Variants in FZD3 observed in about 807,000 individuals in gnomAD.
The protein encoded by FZD3 is frizzled class receptor 3, also known as frizzled-3.
In FZD3, 30 loss-of-function variants were observed where a neutral mutation model predicts 60.7. The ratio of observed to expected loss-of-function variants is 0.49; its 90% CI spans 0.37 to 0.67. The LOEUF is 0.67. FZD3 is among the 30% of genes least tolerant of loss of function. The pLI is 0.00. For missense variants in FZD3, 605 were observed against 838.7 expected (o/e 0.72, Z 3.44); for synonymous variants, 246 against 275.2 (o/e 0.89, Z 1.05).
intron 1 of FZD3, among the ~76,000 whole-genome samples, chr8:28,498,871 G>A (rs988099832): frequency 9.2e-5 from 14 of 152,190 alleles, no homozygotes; most frequent in African/African-American, 2.9e-4. Flanking sequence ...AGCCAGGAAT[G>A]TTTATCAAAA....
chr8:28,508,198 T>C (rs1317195062), intron 3 of FZD3, among the ~76,000 whole-genome samples: 1 of 152,138 alleles, frequency 6.6e-6, no homozygotes, highest in Non-Finnish European at 1.5e-5. Context: ...CCTGGCCCTC[T>C]TTAGTGTTTT....
At chr8:28,516,129 C>T (rs1405920740) in intron 3 of FZD3, among the ~76,000 whole-genome samples, 1 of 152,102 alleles carries the variant, frequency 6.6e-6, no homozygotes. Context: ...TATGGATTTT[C>T]TCTTGTTCAG....
intron 4 of FZD3, among the ~76,000 whole-genome samples, chr8:28,525,432 TTGAA>T (rs1436249482): frequency 1.3e-5 from 2 of 152,146 alleles, no homozygotes; most frequent in Non-Finnish European, 2.9e-5. Context: ...GACCAGGGAC[TTGAA>T]TGAAGTGAGA....
chr8:28,501,706 G>A (rs1005108700), intron 2 of FZD3, among the ~76,000 whole-genome samples: 1 of 152,064 alleles, frequency 6.6e-6, no homozygotes. Flanking sequence ...TTTTGCCCCT[G>A]GAAAAGTACA....
intron 3 of FZD3, among the ~76,000 whole-genome samples, chr8:28,504,832 G>A (rs144463068): frequency 1.2e-3 from 180 of 152,258 alleles, no homozygotes; most frequent in African/African-American, 3.8e-3. Flanking sequence ...GGTTCATGGG[G>A]CATTCATTCA....
Position 28,549,974 on chromosome 8 carries a change from CATAA to C in FZD3, c.1405-1620_1405-1617del, listed in dbSNP as rs1805374017. On this transcript the variant is annotated intron_variant, in intron 5 of 7. Transcript: ENST00000240093. ...TTTGCATACAGATTCCTAAATGAGA[CATAA>C]ATAAATAAGTTTCTTTATGGAGGCT... is the stretch of plus-strand genomic sequence containing the variant. Among the ~76,000 whole-genome samples, 20 of 152,216 alleles carry C rather than the reference CATAA, an allele frequency of 1.3e-4. No homozygotes were observed. The South Asian group carries it at 3.9e-3, about 30-fold the overall frequency.
In FZD3 at chr8:28,555,869, C is replaced by A; in HGVS notation, c.1685C>A (p.Ser562Ter). The change falls in exon 7 of 8, where the codon TCA (serine) becomes TAA (stop). Residue 562 changes from serine (S) to a stop codon, truncating the protein, a stop_gained. Coordinates refer to ENST00000240093, the MANE Select transcript of FZD3 (RefSeq NM_017412.4). LOFTEE classifies it high-confidence loss of function. ...CAAGGAACATCCACCCATGCTTCTT[C>A]AACTCAGCTGGCTATGGTGGATGAT... ...STQGTSTHAS[S>*]TQLAMVDDQR... is the part of the protein sequence containing the mutation. The A allele has an allele frequency of 6.2e-7, 1 of 1,613,782 alleles. No individual in the cohort carries two copies. The highest frequency in any genetic ancestry group is 8.5e-7 in the Non-Finnish European group (1 of 1,179,688).
At chr8:28,516,530 C>G (rs947703901) in intron 3 of FZD3, among the ~76,000 whole-genome samples, 2 of 152,048 alleles carry the variant, frequency 1.3e-5, no homozygotes, top group Non-Finnish European at 2.9e-5. Flanking sequence ...AAACCATGAA[C>G]ACAGGATGTC....
intron 3 of FZD3, among the ~76,000 whole-genome samples, chr8:28,505,398 C>G (rs1804110427): frequency 6.6e-6 from 1 of 152,068 alleles, no homozygotes; most frequent in South Asian, 2.1e-4. Flanking sequence ...GTGGCCCACA[C>G]TGGAGTGCTG....
At position 28,528,060 on chromosome 8, in the gene FZD3, G is replaced by C; in HGVS notation, c.1300G>C (p.Val434Leu). The C allele has an allele frequency of 6.2e-7, 1 of 1,613,914 alleles. No individual in the cohort carries two copies. The highest frequency in any genetic ancestry group is 8.5e-7 in the Non-Finnish European group (1 of 1,179,860). The change falls in exon 5 of 8, where the codon GTT becomes CTT. Residue 434 changes from valine (V) to leucine (L), a missense_variant. Physicochemically the swap from Val to Leu is conservative, Grantham distance 32. Transcript: ENST00000240093. ...CATTCTTTATCTCGTACCACTCTTG[G>C]TTGTAATTGGATGCTACTTTTATGA... ...FSILYLVPLL[V>L]VIGCYFYEQA...
intron 4 of FZD3, among the ~76,000 whole-genome samples, chr8:28,524,903 G>T (rs352210): frequency 0.62 from 94,400 of 152,038 alleles, 29,677 homozygotes; most frequent in African/African-American, 0.7. Context: ...TTGGCTCACT[G>T]TTTTATTCCC....
chr8:28,499,862 T>G (rs1247897708), intron 1 of FZD3, 71 bp from the exon 2 acceptor site: 2 of 152,240 alleles, frequency 1.3e-5, no homozygotes, highest in Non-Finnish European at 2.9e-5. Flanking sequence ...TCTGCTTTTA[T>G]TTTTAAAATT....
chr8:28,559,981 T>C (rs1805585466), intron 7 of FZD3, among the ~76,000 whole-genome samples: 1 of 152,140 alleles, frequency 6.6e-6, no homozygotes, highest in South Asian at 2.1e-4. Context: ...AATAAGTAAT[T>C]GGTGGTTAGA....
At chr8:28,546,994 T>A (rs1199129553) in intron 5 of FZD3, among the ~76,000 whole-genome samples, 4 of 151,958 alleles carry the variant, frequency 2.6e-5, no homozygotes, top group Non-Finnish European at 5.9e-5. Flanking sequence ...AAGTTTTTAA[T>A]GGTTCGAAAC....
At chr8:28,553,606 C>T (rs781202612) in intron 6 of FZD3, among the ~76,000 whole-genome samples, 1 of 152,070 alleles carries the variant, frequency 6.6e-6, no homozygotes, top group Non-Finnish European at 1.5e-5. Flanking sequence ...CTGGTTGGGC[C>T]GAAATCCTTT....
At chr8:28,534,558 A>AAATC (rs150398117) in intron 5 of FZD3, among the ~76,000 whole-genome samples, 4 of 152,098 alleles carry the variant, frequency 2.6e-5, no homozygotes, top group Admixed American at 6.5e-5. Context: ...ATCTCAATAA[A>AAATC]AATCAATCAA....
chr8:28,566,128 A>G lies in FZD3; in HGVS notation c.*3117A>G, dbSNP rs988002412. ...TTAAATGAACAATTCATGTCACACA[A>G]CTTGCTTTTACCCTAGTACTGAGTC... is the stretch of plus-strand genomic sequence containing the variant. On this transcript the variant is annotated 3_prime_UTR_variant, in exon 8 of 8. Transcript: ENST00000240093. 1.3e-5 allele frequency: 2 copies of G among 152,184 alleles called. No individual in the cohort carries two copies. Among genetic ancestry groups the G allele is most frequent in the African/African-American group, 4.8e-5 (2 of 41,454 alleles). The allele number at this position is 152,184 out of a possible 1,614,324, so 9.4% of individuals were successfully genotyped here.
At chr8:28,545,621 C>T (rs1034920878) in intron 5 of FZD3, among the ~76,000 whole-genome samples, 1 of 152,164 alleles carries the variant, frequency 6.6e-6, no homozygotes, top group Non-Finnish European at 1.5e-5. Context: ...ATGATTCCAG[C>T]CCCAGCCATC....
At chr8:28,498,459 C>T (rs1365806909) in intron 1 of FZD3, among the ~76,000 whole-genome samples, 2 of 152,144 alleles carry the variant, frequency 1.3e-5, no homozygotes, top group South Asian at 4.1e-4. Context: ...TACAGCTTTT[C>T]CATGGATGAC....
Sources: gnomAD v4.1 joint callset for allele counts (sites outside exome capture counted in the v4.1 genomes callset) on GRCh38, gnomAD v4.1.1 for gene constraint, MANE v1.5 for transcripts, NCBI Gene and HGNC (gene_info 2026-07-23, HGNC 2026-07-21) for gene names.